CSMD1: variants seen among roughly 807,000 people sequenced by gnomAD.
CSMD1 encodes CUB and sushi domain-containing protein 1.
A neutral mutation model predicts 417.5 loss-of-function variants in CSMD1; 213 were observed. The observed-to-expected ratio is 0.51, with a 90% confidence interval of 0.46 to 0.57. The LOEUF is 0.57. CSMD1 is among the 20% of genes least tolerant of loss of function. The pLI is 0.00. For missense variants in CSMD1, 6,923 were observed against 4,529.7 expected, an observed-to-expected ratio of 1.53 and a Z score of -15.17; for synonymous variants, 2,862 against 1,736.8, an observed-to-expected ratio of 1.65 and a Z score of -16.11.
chr8:3,733,734 G>A (rs981079178), intron 6 of CSMD1, among the ~76,000 whole-genome samples: 6 of 152,156 alleles, frequency 3.9e-5, no homozygotes, highest in Non-Finnish European at 5.9e-5. Flanking sequence ...GGGTTGTGGT[G>A]TCTGTGTTCA....
At chr8:4,347,602 G>A (rs895036504) in intron 3 of CSMD1, among the ~76,000 whole-genome samples, 1 of 152,198 alleles carries the variant, frequency 6.6e-6, no homozygotes, top group East Asian at 1.9e-4. Context: ...GTAGATATTG[G>A]CCATCTGCTC....
intron 26 of CSMD1, among the ~76,000 whole-genome samples, chr8:3,250,851 T>C (rs1364384363): frequency 6.6e-6 from 1 of 152,242 alleles, no homozygotes; most frequent in African/African-American, 2.4e-5. Context: ...GTTGGCTGCA[T>C]AAATGTCTTC....
At chr8:3,803,541 G>A (rs1242275492) in intron 5 of CSMD1, among the ~76,000 whole-genome samples, 1 of 152,160 alleles carries the variant, frequency 6.6e-6, no homozygotes, top group Non-Finnish European at 1.5e-5. Context: ...CAGGACAGAG[G>A]TACGCAGGAG....
intron 2 of CSMD1, among the ~76,000 whole-genome samples, chr8:4,469,071 T>A (rs1205967844): frequency 6.6e-6 from 1 of 152,192 alleles, no homozygotes; most frequent in African/African-American, 2.4e-5. Context: ...AGAGCACAAT[T>A]GTGTCTTACA....
At chr8:3,499,779 T>C (rs1351515862) in intron 10 of CSMD1, among the ~76,000 whole-genome samples, 1 of 151,968 alleles carries the variant, frequency 6.6e-6, no homozygotes, top group Non-Finnish European at 1.5e-5. Flanking sequence ...TCCTTGGCTG[T>C]GGTGGGATGA....
chr8:4,177,799 C>T (rs566570131), intron 3 of CSMD1, among the ~76,000 whole-genome samples: 113 of 151,802 alleles, frequency 7.4e-4, no homozygotes, highest in African/African-American at 2.5e-3. Flanking sequence ...ATACTACAAA[C>T]ACCTCTACGC....
At chr8:3,056,687 G>C (rs963182188) in intron 49 of CSMD1, among the ~76,000 whole-genome samples, 2 of 151,080 alleles carry the variant, frequency 1.3e-5, no homozygotes, top group Non-Finnish European at 2.9e-5. Context: ...GGATTTCTGA[G>C]GATTTTTAAG....
intron 1 of CSMD1, among the ~76,000 whole-genome samples, chr8:4,983,008 G>A (rs535450521): frequency 6.6e-6 from 1 of 152,292 alleles, no homozygotes; most frequent in African/African-American, 2.4e-5. Flanking sequence ...GACAATTGAA[G>A]GCTGGCATAT....
intron 3 of CSMD1, among the ~76,000 whole-genome samples, chr8:4,273,716 T>G (rs1234788580): frequency 6.6e-6 from 1 of 152,164 alleles, no homozygotes; most frequent in East Asian, 1.9e-4. Flanking sequence ...TTAAAAGGAT[T>G]TGTAGCTAGA....
intron 7 of CSMD1, among the ~76,000 whole-genome samples, chr8:3,670,565 T>C (rs922394219): frequency 2.5e-5 from 3 of 118,018 alleles, no homozygotes; most frequent in South Asian, 2.9e-4. Flanking sequence ...ATATATGCGA[T>C]ATATATATAT....
intron 9 of CSMD1, among the ~76,000 whole-genome samples, chr8:3,576,268 A>AAATAAT (rs60673988): frequency 0.051 from 7,535 of 147,606 alleles, 470 homozygotes; most frequent in African/African-American, 0.15. Flanking sequence ...ATGCATGTCA[A>AAATAAT]AATAATAATA....
At chr8:4,656,304 G>C (rs953344555) in intron 1 of CSMD1, among the ~76,000 whole-genome samples, 1 of 152,036 alleles carries the variant, frequency 6.6e-6, no homozygotes, top group Non-Finnish European at 1.5e-5. Flanking sequence ...AGGAGGAAAA[G>C]ACATCTGAGA....
intron 3 of CSMD1, among the ~76,000 whole-genome samples, chr8:4,057,409 G>T (rs1268914187): frequency 6.6e-6 from 1 of 152,086 alleles, no homozygotes; most frequent in South Asian, 2.1e-4. Context: ...ATTTGTTTGA[G>T]TTCATTGTAG....
At chr8:4,055,384 A>G (rs973635790) in intron 3 of CSMD1, among the ~76,000 whole-genome samples, 1 of 152,092 alleles carries the variant, frequency 6.6e-6, no homozygotes, top group South Asian at 2.1e-4. Context: ...CAAACTTACT[A>G]AGTGATTAAT....
At chr8:3,513,006 T>C (rs1480097505) in intron 10 of CSMD1, among the ~76,000 whole-genome samples, 2 of 152,146 alleles carry the variant, frequency 1.3e-5, no homozygotes, top group East Asian at 3.9e-4. Context: ...TTAGCATGCT[T>C]GAAAGATCAT....
intron 7 of CSMD1, among the ~76,000 whole-genome samples, chr8:3,631,350 T>C (rs936808061): frequency 9.2e-5 from 14 of 152,018 alleles, no homozygotes; most frequent in Non-Finnish European, 2.9e-5. Flanking sequence ...ACAGAGACTG[T>C]CACACAGTAA....
chr8:4,935,912 G>A (rs558439184), intron 1 of CSMD1, among the ~76,000 whole-genome samples: 1 of 152,326 alleles, frequency 6.6e-6, no homozygotes, highest in East Asian at 1.9e-4. Context: ...CCAGCAGGAT[G>A]CTCCTGGATG....
intron 23 of CSMD1, among the ~76,000 whole-genome samples, chr8:3,333,242 C>A (rs1055629700): frequency 6.6e-6 from 1 of 152,164 alleles, no homozygotes; most frequent in Non-Finnish European, 1.5e-5. Context: ...AAGACCCAGC[C>A]AAGCCGTGTC....
intron 5 of CSMD1, among the ~76,000 whole-genome samples, chr8:3,967,444 T>A (rs1185610571): frequency 9.2e-6 from 1 of 108,360 alleles, no homozygotes. Context: ...TCATTCAGGA[T>A]CTTTGCTAAA....
Sources: allele counts gnomAD v4.1 joint callset (sites outside exome capture counted in the v4.1 genomes callset), GRCh38; gene constraint gnomAD v4.1.1; transcripts MANE v1.5; gene names NCBI Gene and HGNC (gene_info 2026-07-23, HGNC 2026-07-21).